The following CADPS2 variants were observed in gnomAD, a reference collection of about 807,000 sequenced individuals.
The protein encoded by CADPS2 is calcium-dependent secretion activator 2.
Under a neutral mutation model 172.5 loss-of-function variants are expected in CADPS2, and 93 were observed. The observed-to-expected ratio is 0.54, with a 90% CI of 0.46 to 0.64. The LOEUF (loss-of-function observed/expected upper bound fraction) is 0.64. Ranked by LOEUF, CADPS2 falls within the 30% of genes least tolerant of loss-of-function variation. The pLI is 0.00. For missense variants in CADPS2, 1,420 were observed against 1,565.9 expected, an observed-to-expected ratio of 0.91 and a Z score of 1.57; for synonymous variants, 546 against 555.2, an observed-to-expected ratio of 0.98 and a Z score of 0.23.
At chr7:122,784,925 T>A (rs1225332197) in intron 1 of CADPS2, among the ~76,000 whole-genome samples, 1 of 152,186 alleles carries the variant, frequency 6.6e-6, no homozygotes, top group African/African-American at 2.4e-5. Flanking sequence ...TATGTTCCTT[T>A]TTCACCTTGT....
intron 2 of CADPS2, among the ~76,000 whole-genome samples, chr7:122,710,804 T>C (rs2088577069): frequency 6.6e-6 from 1 of 152,098 alleles, no homozygotes; most frequent in Non-Finnish European, 1.5e-5. Flanking sequence ...TGCCTTATAT[T>C]ATATATAATT....
intron 2 of CADPS2, among the ~76,000 whole-genome samples, chr7:122,731,247 T>A (rs1481761042): frequency 6.6e-6 from 1 of 151,716 alleles, no homozygotes. Context: ...CACAAATTTT[T>A]TTTTTTTTTA....
At chr7:122,483,069 C>G in intron 11 of CADPS2, among the ~76,000 whole-genome samples, 1 of 152,138 alleles carries the variant, frequency 6.6e-6, no homozygotes, top group Admixed American at 6.6e-5. Flanking sequence ...GAAAATGCAT[C>G]CTGGACTAAA....
At chr7:122,827,646 AAAT>A (rs1473688642) in intron 1 of CADPS2, among the ~76,000 whole-genome samples, 11 of 149,448 alleles carry the variant, frequency 7.4e-5, no homozygotes, top group Non-Finnish European at 1.5e-5. Flanking sequence ...AAAAAAAAAG[AAAT>A]GAAAAGAAAA....
intron 9 of CADPS2, among the ~76,000 whole-genome samples, chr7:122,509,801 A>T (rs1020750662): frequency 6.6e-6 from 1 of 152,142 alleles, no homozygotes; most frequent in African/African-American, 2.4e-5. Flanking sequence ...TATAATAATA[A>T]TACCTACCTT....
intron 1 of CADPS2, among the ~76,000 whole-genome samples, chr7:122,861,624 T>C (rs953794422): frequency 1.3e-5 from 2 of 152,190 alleles, no homozygotes; most frequent in Admixed American, 1.3e-4. Context: ...ATTTTTGCCA[T>C]AGTCAACAAT....
At chr7:122,747,313 A>G (rs2092759272) in intron 1 of CADPS2, among the ~76,000 whole-genome samples, 1 of 152,150 alleles carries the variant, frequency 6.6e-6, no homozygotes, top group African/African-American at 2.4e-5. Flanking sequence ...AGGAAGCTCA[A>G]CACACACTGT....
intron 1 of CADPS2, among the ~76,000 whole-genome samples, chr7:122,794,940 T>C (rs1452326997): frequency 1.3e-5 from 2 of 151,980 alleles, no homozygotes; most frequent in Non-Finnish European, 2.9e-5. Context: ...AGATACAACA[T>C]ACCAGAATCT....
At chr7:122,645,516 ATATATATATAAGTATATATATATACT>A in intron 3 of CADPS2, among the ~76,000 whole-genome samples, 1 of 29,360 alleles carries the variant, frequency 3.4e-5, no homozygotes, top group African/African-American at 1.1e-4. Flanking sequence ...ATATATACTT[ATATATATATAAGTATATATATATACT>A]TATATATATA....
rs543763495 is a variant in CADPS2, at chr7:122,886,146, G to C, written c.192C>G (p.Leu64=). The C allele has an allele frequency of 4.3e-5, 67 of 1,545,292 alleles. No homozygotes were observed. Among genetic ancestry groups the C allele is most frequent in the Non-Finnish European group, 5.4e-5 (62 of 1,145,418 alleles). Residue 64 remains leucine (L), a synonymous_variant, in exon 1 of 30, where the codon CTC becomes CTG. Coordinates refer to ENST00000449022, the MANE Select transcript of CADPS2 (RefSeq NM_017954.11). ...GCTGGGGCTCGTCTCGCCCCTCGCT[G>C]AGCACAGAGGGGCTCGGGCTCACAG... is the stretch of plus-strand genomic sequence containing the variant. ...ARSVSPSPSV[L]SEGRDEPQRQ... is the part of the protein sequence containing the mutation.
intron 6 of CADPS2, among the ~76,000 whole-genome samples, chr7:122,604,366 T>A (rs768752185): frequency 1.3e-4 from 20 of 152,102 alleles, no homozygotes; most frequent in Admixed American, 6.6e-5. Flanking sequence ...TGTGCTTGTG[T>A]CCCAACAGAA....
At chr7:122,667,207 A>C (rs936438719) in intron 2 of CADPS2, among the ~76,000 whole-genome samples, 3 of 152,246 alleles carry the variant, frequency 2.0e-5, no homozygotes, top group African/African-American at 7.2e-5. Flanking sequence ...ACCACCTTTG[A>C]GAAATTTAGT....
At chr7:122,772,853 A>C (rs2093745111) in intron 1 of CADPS2, among the ~76,000 whole-genome samples, 1 of 152,144 alleles carries the variant, frequency 6.6e-6, no homozygotes, top group Non-Finnish European at 1.5e-5. Flanking sequence ...ACAAGAAAAT[A>C]AAGGTAAAAA....
intron 2 of CADPS2, among the ~76,000 whole-genome samples, chr7:122,713,407 T>G (rs2089081862): frequency 1.3e-5 from 2 of 152,098 alleles, no homozygotes. Flanking sequence ...ACCAAATTTT[T>G]GGGACTCCCA....
At chr7:122,401,651 C>T (rs2045969386) in intron 20 of CADPS2, among the ~76,000 whole-genome samples, 1 of 152,190 alleles carries the variant, frequency 6.6e-6, no homozygotes, top group African/African-American at 2.4e-5. Context: ...AATTTGAATA[C>T]ATCTCTCTTT....
intron 9 of CADPS2, among the ~76,000 whole-genome samples, chr7:122,491,698 G>A (rs557703073): frequency 2.0e-5 from 3 of 152,040 alleles, no homozygotes; most frequent in Non-Finnish European, 2.9e-5. Context: ...CCATAAATAA[G>A]TATTCATGTT....
At chr7:122,357,882 C>A (rs1585235754) in intron 27 of CADPS2, among the ~76,000 whole-genome samples, 1 of 152,114 alleles carries the variant, frequency 6.6e-6, no homozygotes, top group East Asian at 1.9e-4. Context: ...TGACGTACTA[C>A]AGGACAATTT....
At chr7:122,724,091 T>A in intron 2 of CADPS2, among the ~76,000 whole-genome samples, 1 of 151,462 alleles carries the variant, frequency 6.6e-6, no homozygotes. Flanking sequence ...GACGAGTTGA[T>A]GGGTGCAGCA....
chr7:122,744,621 T>A (rs1229092146), intron 1 of CADPS2, among the ~76,000 whole-genome samples: 1 of 152,158 alleles, frequency 6.6e-6, no homozygotes, highest in African/African-American at 2.4e-5. Context: ...TCACACAGTG[T>A]TGACAGGACG....
Sources: allele counts gnomAD v4.1 joint callset (sites outside exome capture counted in the v4.1 genomes callset), GRCh38; gene constraint gnomAD v4.1.1; transcripts MANE v1.5; gene names NCBI Gene and HGNC (gene_info 2026-07-23, HGNC 2026-07-21).